The following FAM169A variants were observed in gnomAD, a reference collection of about 807,000 sequenced individuals.
The protein encoded by FAM169A is family with sequence similarity 169 member A.
In FAM169A, 24 loss-of-function variants were observed where a neutral mutation model predicts 75.7. The ratio of observed to expected loss-of-function variants is 0.32; its 90% CI spans 0.23 to 0.45. The LOEUF (loss-of-function observed/expected upper bound fraction) is 0.45. Among genes scored for constraint, FAM169A ranks in the 20% least tolerant of loss-of-function variants. FAM169A has a pLI of 1.00. For synonymous variants in FAM169A, 271 were observed against 271.0 expected (o/e 1.00, Z 0.00); for missense variants, 673 against 784.0 (o/e 0.86, Z 1.69).
chr5:74,834,485 T>C lies in FAM169A; in HGVS notation c.431A>G (p.Tyr144Cys), dbSNP rs370292503. The change falls in exon 5 of 13, where the codon TAT (tyrosine) becomes TGT (cysteine). Residue 144 changes from tyrosine (Y) to cysteine (C), a missense_variant. Transcript: ENST00000687041. ...TCCTTTCTTCCACAGAATCTTAGCA[T>C]AATCAGTACTGCTATGACACAGGAA... is the stretch of plus-strand genomic sequence containing the variant. Reference protein sequence around the residue: ...IPFLCHSSTDYAKILWKKGEA... With the variant: ...IPFLCHSSTDCAKILWKKGEA... The C allele has an allele frequency of 1.9e-6, 3 of 1,591,400 alleles. No homozygotes were observed. The highest frequency in any genetic ancestry group is 3.5e-5 in the Admixed American group (2 of 56,770).
chr5:74,831,464 G>A (rs1018953761), intron 5 of FAM169A, among the ~76,000 whole-genome samples: 3 of 152,002 alleles, frequency 2.0e-5, no homozygotes, highest in Admixed American at 1.3e-4. Flanking sequence ...GAGTAACTAA[G>A]GTACAGATTG....
At chr5:74,799,468 G>A in intron 10 of FAM169A, 1 of 1,610,450 alleles carries the variant, frequency 6.2e-7, no homozygotes, top group Non-Finnish European at 8.5e-7. Flanking sequence ...TTTGCTGGCA[G>A]CAGGATCATG....
At chr5:74,808,747 G>A (rs556861243) in intron 6 of FAM169A, among the ~76,000 whole-genome samples, 1 of 152,326 alleles carries the variant, frequency 6.6e-6, no homozygotes, top group East Asian at 1.9e-4. Flanking sequence ...CTTCAGGAGT[G>A]CAATTATCTC....
intron 1 of FAM169A, among the ~76,000 whole-genome samples, chr5:74,860,461 C>A (rs1364683947): frequency 6.6e-6 from 1 of 152,182 alleles, no homozygotes; most frequent in Non-Finnish European, 1.5e-5. Flanking sequence ...CAATAACCCT[C>A]CAAGTCCCAA....
At chr5:74,792,206 G>A (rs191749564) in intron 11 of FAM169A, among the ~76,000 whole-genome samples, 2 of 152,276 alleles carry the variant, frequency 1.3e-5, no homozygotes, top group Non-Finnish European at 2.9e-5. Flanking sequence ...GACTTGTAAT[G>A]GTTAATACTG....
chr5:74,832,915 A>C (rs1748389307), intron 5 of FAM169A, among the ~76,000 whole-genome samples: 1 of 152,026 alleles, frequency 6.6e-6, no homozygotes, highest in Admixed American at 6.6e-5. Flanking sequence ...GAAGGGACTA[A>C]AAGTGGCAGA....
chr5:74,798,651 T>C (rs556812230), intron 10 of FAM169A, among the ~76,000 whole-genome samples: 56 of 152,330 alleles, frequency 3.7e-4, no homozygotes, highest in Non-Finnish European at 6.9e-4. Flanking sequence ...AATGGTTGAC[T>C]CAGGAACAGT....
At chr5:74,810,574 C>T (rs1001525575) in intron 6 of FAM169A, among the ~76,000 whole-genome samples, 14 of 151,504 alleles carry the variant, frequency 9.2e-5, no homozygotes, top group South Asian at 2.1e-4. Flanking sequence ...ACAGTGAAAC[C>T]CTGTCTCTAC....
chr5:74,814,023 C>T lies in FAM169A; in HGVS notation c.491-4G>A. On this transcript the variant is annotated splice_region_variant and splice_polypyrimidine_tract_variant and intron_variant, in intron 5 of 12. Coordinates refer to ENST00000687041, the MANE Select transcript of FAM169A (RefSeq NM_001376049.1). Reference sequence around the variant, plus strand: ...AGAAAAGAGGCACATATGCTTCCTGCAGTAATAAGAACAGAAACCCAATAA... The same window carrying T: ...AGAAAAGAGGCACATATGCTTCCTGTAGTAATAAGAACAGAAACCCAATAA... The T allele has an allele frequency of 6.5e-7, 1 of 1,533,812 alleles. No homozygotes were observed. The highest frequency in any genetic ancestry group is 8.7e-7 in the Non-Finnish European group (1 of 1,146,388).
At chr5:74,805,005 A>G (rs1746790473) in intron 7 of FAM169A, 151 bp downstream of exon 7, 2 of 642,520 alleles carry the variant, frequency 3.1e-6, no homozygotes, top group South Asian at 2.1e-5. Flanking sequence ...GTCTGTTACT[A>G]GAACAATCAC....
chr5:74,844,091 A>G (rs1219027539), intron 1 of FAM169A, among the ~76,000 whole-genome samples: 1 of 152,242 alleles, frequency 6.6e-6, no homozygotes, highest in Non-Finnish European at 1.5e-5. Flanking sequence ...GAAAGAAAAT[A>G]TAAATTAAAA....
intron 12 of FAM169A, among the ~76,000 whole-genome samples, chr5:74,782,254 AATT>A (rs1292932282): frequency 6.6e-6 from 1 of 152,204 alleles, no homozygotes; most frequent in Non-Finnish European, 1.5e-5. Flanking sequence ...ATAATGAAAT[AATT>A]ATTTCATAAT....
intron 5 of FAM169A, among the ~76,000 whole-genome samples, chr5:74,823,335 T>C (rs1190838523): frequency 2.0e-5 from 3 of 152,212 alleles, no homozygotes; most frequent in Non-Finnish European, 4.4e-5. Flanking sequence ...TTACCAAGAA[T>C]GTTCTTTCCC....
chr5:74,788,877 AG>A (rs938515587), intron 11 of FAM169A, among the ~76,000 whole-genome samples: 1 of 152,212 alleles, frequency 6.6e-6, no homozygotes, highest in Admixed American at 6.5e-5. Context: ...GGAGAATTAC[AG>A]TGGAGTATCA....
chr5:74,791,513 C>T (rs1187721267), intron 11 of FAM169A, among the ~76,000 whole-genome samples: 1 of 152,182 alleles, frequency 6.6e-6, no homozygotes, highest in African/African-American at 2.4e-5. Context: ...ACTTTGGGCT[C>T]CTCCTACCTT....
Position 74,801,049 on chromosome 5 carries a change from A to C in FAM169A, c.953-19T>G, listed in dbSNP as rs757359310. The C allele has an allele frequency of 1.3e-6, 2 of 1,506,512 alleles. No homozygotes were observed. The highest frequency in any genetic ancestry group is 2.9e-5 in the African/African-American group (2 of 70,012). 93.3% of individuals were successfully genotyped at this position (1,506,512 alleles called of 1,614,324 possible). On this transcript the variant is annotated intron_variant, in intron 9 of 12. Coordinates refer to ENST00000687041, the MANE Select transcript of FAM169A (RefSeq NM_001376049.1). ...TCATGACCTGAGGAGAAAAACAGCA[A>C]AACTGCACTTAATTGATTATATATT...
intron 10 of FAM169A, among the ~76,000 whole-genome samples, chr5:74,798,703 G>A (rs2112518727): frequency 6.6e-6 from 1 of 152,290 alleles, no homozygotes; most frequent in East Asian, 1.9e-4. Flanking sequence ...TATTATAAAA[G>A]TTAGAGTCTT....
intron 1 of FAM169A, among the ~76,000 whole-genome samples, chr5:74,849,021 T>C (rs957982946): frequency 2.0e-5 from 3 of 152,186 alleles, no homozygotes; most frequent in African/African-American, 2.4e-5. Context: ...AAGCTTAATG[T>C]AGCCTTAAGT....
chr5:74,779,471 A>C lies in FAM169A; in HGVS notation c.*1989T>G, dbSNP rs948756711. 12 of 152,186 alleles carry C rather than the reference A, an allele frequency of 7.9e-5. No individual in the cohort carries two copies. The highest frequency in any genetic ancestry group is 2.9e-4 in the African/African-American group (12 of 41,458). 9.4% of individuals were successfully genotyped at this position (152,186 alleles called of 1,614,324 possible). On this transcript the variant is annotated 3_prime_UTR_variant, in exon 13 of 13. Transcript: ENST00000687041. ...TCCAAGTAAAAATAAAATATCTACA[A>C]GTGTTTTCAAATCTAAGAAATGAAA...
Sources: gnomAD v4.1 joint callset for allele counts (sites outside exome capture counted in the v4.1 genomes callset) on GRCh38, gnomAD v4.1.1 for gene constraint, MANE v1.5 for transcripts, NCBI Gene and HGNC (gene_info 2026-07-23, HGNC 2026-07-21) for gene names.